CNTNAP5: variants seen among roughly 807,000 people sequenced by gnomAD.
CNTNAP5 encodes the protein contactin associated protein family member 5, also known as contactin-associated protein-like 5.
CNTNAP5 carries 72 observed loss-of-function variants against 150.2 expected under a neutral mutation model. That is an observed-to-expected ratio of 0.48 (90% CI 0.40 to 0.58). The LOEUF (loss-of-function observed/expected upper bound fraction) is 0.58. CNTNAP5 is among the 20% of genes least tolerant of loss of function. The probability of loss-of-function intolerance (pLI) is 0.00; values close to 1 mark genes in which losing one functional copy is unlikely to be tolerated. For synonymous variants in CNTNAP5, 672 were observed against 619.8 expected (o/e 1.08, Z -1.25); for missense variants, 1,636 against 1,626.2 (o/e 1.01, Z -0.10).
rs556785534 is a variant in CNTNAP5 at position 124,504,019 on chromosome 2, C to A, written c.1063-273C>A. Among the ~76,000 whole-genome samples the A allele has an allele frequency of 8.6e-4, 131 of 152,218 alleles. 1 individual carries two copies. Among genetic ancestry groups the A allele is most frequent in the Non-Finnish European group, 1.6e-3 (110 of 68,030 alleles). On this transcript the variant is annotated intron_variant, in intron 7 of 23. Coordinates refer to ENST00000682447, the MANE Select transcript of CNTNAP5 (RefSeq NM_001367498.1). ...TGAGTAAATGTAATTATTTTTACGCCCCTTAGAAAGTGTGGATACTTCCAT... is the reference window on the plus strand; with the variant it reads ...TGAGTAAATGTAATTATTTTTACGCACCTTAGAAAGTGTGGATACTTCCAT...
intron 13 of CNTNAP5, among the ~76,000 whole-genome samples, chr2:124,695,805 T>C (rs1679394007): frequency 6.6e-6 from 1 of 152,164 alleles, no homozygotes; most frequent in African/African-American, 2.4e-5. Flanking sequence ...GAGAGAAGCA[T>C]CACTCTGTTG....
chr2:124,598,771 G>C (rs563741055), intron 11 of CNTNAP5, among the ~76,000 whole-genome samples: 353 of 152,284 alleles, frequency 2.3e-3, no homozygotes, highest in African/African-American at 8.0e-3. Flanking sequence ...TTTGATCTCA[G>C]ACTGCTGTCC....
chr2:124,363,368 A>G (rs1690271517), intron 3 of CNTNAP5, among the ~76,000 whole-genome samples: 1 of 152,106 alleles, frequency 6.6e-6, no homozygotes, highest in African/African-American at 2.4e-5. Flanking sequence ...CCTGAACTCT[A>G]CACCTGCAGA....
intron 19 of CNTNAP5, among the ~76,000 whole-genome samples, chr2:124,849,380 GT>G (rs1261672489): frequency 6.6e-6 from 1 of 151,768 alleles, no homozygotes; most frequent in Non-Finnish European, 1.5e-5. Context: ...GTTTTGTTTT[GT>G]TTTTGTTTCT....
intron 1 of CNTNAP5, among the ~76,000 whole-genome samples, chr2:124,123,354 G>A (rs1683613464): frequency 1.3e-5 from 2 of 152,172 alleles, no homozygotes; most frequent in South Asian, 2.1e-4. Flanking sequence ...CGAGGCTGGG[G>A]GAGGGGCGTC....
chr2:124,173,562 C>A (rs4630770), intron 1 of CNTNAP5, among the ~76,000 whole-genome samples: 117,388 of 152,184 alleles, frequency 0.77, 45,908 homozygotes, highest in Non-Finnish European at 0.8. Flanking sequence ...GCAGTAGCCC[C>A]ATCTAGAGAA....
Position 124,084,617 on chromosome 2 carries a change from G to A in CNTNAP5, c.82+58885G>A, listed in dbSNP as rs938752930. ...TGGCTATACATACATGTATGTGTGTGTATAGTATGTGTCTATATATGTGTG... is the reference window on the plus strand; with the variant it reads ...TGGCTATACATACATGTATGTGTGTATATAGTATGTGTCTATATATGTGTG... On this transcript the variant is annotated intron_variant, in intron 1 of 23. Transcript: ENST00000682447. 2.0e-5 allele frequency among the ~76,000 whole-genome samples: 3 copies of A among 151,820 alleles called. 1 individual carries two copies. Among genetic ancestry groups the A allele is most frequent in the Admixed American group, 2.0e-4 (3 of 15,236 alleles).
intron 1 of CNTNAP5, among the ~76,000 whole-genome samples, chr2:124,099,825 A>G (rs1683024659): frequency 6.6e-6 from 1 of 152,024 alleles, no homozygotes; most frequent in African/African-American, 2.4e-5. Context: ...ACTTTTCAAA[A>G]ACCAGATCTC....
At chr2:124,817,321 T>A (rs1486583269) in intron 19 of CNTNAP5, among the ~76,000 whole-genome samples, 4 of 152,226 alleles carry the variant, frequency 2.6e-5, no homozygotes, top group Admixed American at 2.6e-4. Flanking sequence ...AGTAGATGCA[T>A]TCCATTTGTA....
At chr2:124,389,870 G>A (rs951109541) in intron 3 of CNTNAP5, among the ~76,000 whole-genome samples, 3 of 152,130 alleles carry the variant, frequency 2.0e-5, no homozygotes, top group Admixed American at 1.3e-4. Context: ...GGAGGCTGAA[G>A]CTGGAGGTTC....
chr2:124,517,227 G>T (rs2104878430), intron 8 of CNTNAP5, among the ~76,000 whole-genome samples: 1 of 151,358 alleles, frequency 6.6e-6, no homozygotes, highest in East Asian at 1.9e-4. Flanking sequence ...GAGGGTTGTG[G>T]TATTAGTGAT....
intron 3 of CNTNAP5, among the ~76,000 whole-genome samples, chr2:124,395,106 G>A (rs1026754061): frequency 6.6e-6 from 1 of 152,088 alleles, no homozygotes; most frequent in African/African-American, 2.4e-5. Context: ...GTTGGAATCG[G>A]GGAAGGGAAT....
chr2:124,301,134 T>G (rs1688559822), intron 3 of CNTNAP5, among the ~76,000 whole-genome samples: 1 of 152,212 alleles, frequency 6.6e-6, no homozygotes, highest in African/African-American at 2.4e-5. Flanking sequence ...AAGATGTTGA[T>G]CTGTAATTGC....
At chr2:124,224,842 C>CAGTATAAAAT (rs1246998442) in intron 2 of CNTNAP5, among the ~76,000 whole-genome samples, 1 of 152,038 alleles carries the variant, frequency 6.6e-6, no homozygotes, top group Non-Finnish European at 1.5e-5. Flanking sequence ...TTGGAAGTAT[C>CAGTATAAAAT]AGTATAAAAT....
At chr2:124,690,428 A>G (rs889636271) in intron 13 of CNTNAP5, among the ~76,000 whole-genome samples, 2 of 152,138 alleles carry the variant, frequency 1.3e-5, no homozygotes, top group South Asian at 2.1e-4. Context: ...TTTTTTCCCC[A>G]AATCACCACC....
chr2:124,866,656 C>T (rs1322456047), intron 20 of CNTNAP5, among the ~76,000 whole-genome samples: 1 of 152,006 alleles, frequency 6.6e-6, no homozygotes, highest in Non-Finnish European at 1.5e-5. Flanking sequence ...GGAGGCACCC[C>T]ATGAGATCTC....
chr2:124,789,881 T>G, intron 17 of CNTNAP5, 21 bp from the exon 18 acceptor site: 2 of 1,611,290 alleles, frequency 1.2e-6, no homozygotes, highest in South Asian at 2.2e-5. Context: ...TACATTTGTT[T>G]CCTTTTATTT....
At chr2:124,909,826 C>CATATATATATATATATATATATATAT (rs368913883) in intron 22 of CNTNAP5, among the ~76,000 whole-genome samples, 2 of 74,624 alleles carry the variant, frequency 2.7e-5, no homozygotes, top group African/African-American at 5.4e-5. Context: ...CAATTGGTGA[C>CATATATATATATATATATATATATAT]ATATATATAT....
At chr2:124,266,940 G>C (rs1278254659) in intron 3 of CNTNAP5, among the ~76,000 whole-genome samples, 1 of 150,972 alleles carries the variant, frequency 6.6e-6, no homozygotes, top group African/African-American at 2.4e-5. Flanking sequence ...GCATAATATA[G>C]ATTTATTATG....
Sources: gnomAD v4.1 joint callset for allele counts (sites outside exome capture counted in the v4.1 genomes callset) on GRCh38, gnomAD v4.1.1 for gene constraint, MANE v1.5 for transcripts, NCBI Gene and HGNC (gene_info 2026-07-23, HGNC 2026-07-21) for gene names.